Variants in GABRA2 observed in about 807,000 individuals in gnomAD.
The protein encoded by GABRA2 is gamma-aminobutyric acid receptor subunit alpha-2.
GABRA2 carries 16 observed loss-of-function variants against 48.7 expected under a neutral mutation model. The observed-to-expected ratio is 0.33, with a 90% CI of 0.22 to 0.50. The LOEUF (loss-of-function observed/expected upper bound fraction) is 0.50, where lower values mean the gene tolerates loss of function less well. Ranked by LOEUF, GABRA2 falls within the 20% of genes least tolerant of loss-of-function variation. The probability of loss-of-function intolerance (pLI) is 0.98; values close to 1 mark genes in which losing one functional copy is unlikely to be tolerated. For missense variants in GABRA2, 275 were observed against 535.6 expected (o/e 0.51, Z 4.80); for synonymous variants, 185 against 184.5 (o/e 1.00, Z -0.02).
At chr4:46,371,405 TTTAAA>T (rs752678212) in intron 3 of GABRA2, among the ~76,000 whole-genome samples, 38 of 152,278 alleles carry the variant, frequency 2.5e-4, no homozygotes, top group Admixed American at 3.9e-4. Flanking sequence ...CAAATTCAGA[TTTAAA>T]TTAGTTATTT....
Position 46,291,219 on chromosome 4 carries a change from G to C in GABRA2, c.856+12241C>G, listed in dbSNP as rs377372699. Among the ~76,000 whole-genome samples, 12 of 151,848 alleles carry C rather than the reference G, an allele frequency of 7.9e-5. No individual in the cohort carries two copies. The East Asian group carries it at 2.1e-3, about 27-fold the overall frequency. On this transcript the variant is annotated intron_variant, in intron 8 of 9. Transcript: ENST00000381620. ...ATATTAGCCCTCTGGTTCTAGACTT[G>C]TTGTTGTTGGAAGGTTTTTGCTTAC... is the stretch of plus-strand genomic sequence containing the variant.
intron 8 of GABRA2, among the ~76,000 whole-genome samples, chr4:46,300,313 G>A (rs116092099): frequency 0.014 from 2,084 of 151,818 alleles, 20 homozygotes; most frequent in Non-Finnish European, 0.022. Flanking sequence ...GTGTGTGTGC[G>A]CGCGCGTTTT....
rs527835887 is a variant in GABRA2, at chr4:46,357,456, T to A, written c.188-24774A>T. Reference sequence around the variant, plus strand: ...CTGTGTGGAGTGAAAAGACCTCAATTTGAATTTGAATTCTCTCACTTACTA... The same window carrying A: ...CTGTGTGGAGTGAAAAGACCTCAATATGAATTTGAATTCTCTCACTTACTA... On this transcript the variant is annotated intron_variant, in intron 3 of 9. Coordinates refer to ENST00000381620, the MANE Select transcript of GABRA2 (RefSeq NM_000807.4). 3.4e-5 allele frequency among the ~76,000 whole-genome samples: 5 copies of A among 147,738 alleles called. No individual in the cohort carries two copies. The South Asian group carries it at 1.1e-3, about 34-fold the overall frequency.
intron 3 of GABRA2, among the ~76,000 whole-genome samples, chr4:46,340,972 T>C (rs954403239): frequency 6.6e-6 from 1 of 151,980 alleles, no homozygotes; most frequent in Non-Finnish European, 1.5e-5. Flanking sequence ...TAACCTTTTT[T>C]AGATTTATTG....
At chr4:46,366,184 T>A (rs981456243) in intron 3 of GABRA2, 5 of 152,030 alleles carry the variant, frequency 3.3e-5, no homozygotes, top group Admixed American at 2.6e-4. Flanking sequence ...GAGTAACAGA[T>A]TCTGGCTTTA....
At chr4:46,316,797 CTCAGTT>C (rs1175889211) in intron 4 of GABRA2, among the ~76,000 whole-genome samples, 1 of 151,908 alleles carries the variant, frequency 6.6e-6, no homozygotes, top group East Asian at 1.9e-4. Flanking sequence ...ACTTCATCTA[CTCAGTT>C]TCCTTTTGGG....
At chr4:46,378,657 A>T (rs63468460) in intron 3 of GABRA2, among the ~76,000 whole-genome samples, 1 of 82,846 alleles carries the variant, frequency 1.2e-5, no homozygotes. Context: ...ATGATCAATT[A>T]AAAAAAAAAA....
At position 46,388,646 on chromosome 4, in the gene GABRA2, C is replaced by G. The variant is rs780887210; in HGVS notation, c.61G>C (p.Asp21His). 1.2e-6 allele frequency: 2 copies of G among 1,614,062 alleles called. No homozygotes were observed. The highest frequency in any genetic ancestry group is 1.7e-6 in the Non-Finnish European group (2 of 1,179,986). Residue 21 changes from aspartate (D) to histidine (H), a missense_variant, in exon 2 of 10, where the codon GAC becomes CAC. Physicochemically the swap from Asp to His is moderately conservative, Grantham distance 81. Transcript: ENST00000381620. ...CAATAAATATCTCACCTGGCAGGGTCCCACACCAAGAAAACAAAAAGCAGG... is the reference window on the plus strand; with the variant it reads ...CAATAAATATCTCACCTGGCAGGGTGCCACACCAAGAAAACAAAAAGCAGG... ...QFLLFVFLVW[D>H]PARLVLANIQ...
chr4:46,388,859 T>C (rs1717836061), intron 1 of GABRA2, 143 bp from the exon 2 acceptor site: 3 of 1,373,610 alleles, frequency 2.2e-6, no homozygotes, highest in African/African-American at 3.0e-5. Flanking sequence ...TGTGTAGGAC[T>C]TGATGATTGA....
chr4:46,340,972 T>A (rs954403239), intron 3 of GABRA2, among the ~76,000 whole-genome samples: 2 of 151,980 alleles, frequency 1.3e-5, no homozygotes, highest in African/African-American at 4.8e-5. Context: ...TAACCTTTTT[T>A]AGATTTATTG....
intron 3 of GABRA2, among the ~76,000 whole-genome samples, chr4:46,376,137 A>G (rs1165476673): frequency 6.6e-6 from 1 of 152,168 alleles, no homozygotes; most frequent in Non-Finnish European, 1.5e-5. Flanking sequence ...TGGCTGGCAT[A>G]TCACACTCTT....
At chr4:46,390,178 A>T, upstream of GABRA2, 1 of 174,208 alleles carries the variant, frequency 5.7e-6, no homozygotes, top group Non-Finnish European at 1.0e-5. Context: ...GTTCCCGGGA[A>T]GGCAGGGCCC....
chr4:46,279,539 C>T (rs548996633), intron 8 of GABRA2, among the ~76,000 whole-genome samples: 164 of 151,846 alleles, frequency 1.1e-3, no homozygotes, highest in Admixed American at 2.6e-3. Context: ...CTGTGTTCTT[C>T]CATATAAAGA....
At chr4:46,370,801 C>A (rs1714765042) in intron 3 of GABRA2, among the ~76,000 whole-genome samples, 1 of 152,050 alleles carries the variant, frequency 6.6e-6, no homozygotes, top group Admixed American at 6.6e-5. Flanking sequence ...GTATTCAACT[C>A]TATACTCTGT....
chr4:46,320,428 C>T (rs1056051984), intron 4 of GABRA2, among the ~76,000 whole-genome samples: 1 of 151,698 alleles, frequency 6.6e-6, no homozygotes, highest in Non-Finnish European at 1.5e-5. Context: ...TAAAAATAAA[C>T]AAGTCGACAT....
chr4:46,359,927 A>C (rs972473385), intron 3 of GABRA2, among the ~76,000 whole-genome samples: 3 of 151,686 alleles, frequency 2.0e-5, no homozygotes, highest in East Asian at 1.9e-4. Flanking sequence ...AAAAAACAAA[A>C]AAAAAAAAGA....
chr4:46,371,558 A>G (rs1714893770), intron 3 of GABRA2, among the ~76,000 whole-genome samples: 1 of 151,882 alleles, frequency 6.6e-6, no homozygotes, highest in South Asian at 2.1e-4. Flanking sequence ...ATTACAGATT[A>G]GTTTTAATTT....
intron 2 of GABRA2, chr4:46,386,639 A>C (rs1003512400): frequency 2.6e-5 from 4 of 155,448 alleles, no homozygotes; most frequent in African/African-American, 7.2e-5. Flanking sequence ...TATATTTTCT[A>C]TCTCTCTCAT....
intron 3 of GABRA2, among the ~76,000 whole-genome samples, chr4:46,344,126 A>G (rs1219427942): frequency 6.6e-6 from 1 of 152,050 alleles, no homozygotes; most frequent in Non-Finnish European, 1.5e-5. Context: ...GAAATAAAAA[A>G]GGACGCAGTC....
Sources: gnomAD v4.1 joint callset for allele counts (sites outside exome capture counted in the v4.1 genomes callset) on GRCh38, gnomAD v4.1.1 for gene constraint, MANE v1.5 for transcripts, NCBI Gene and HGNC (gene_info 2026-07-23, HGNC 2026-07-21) for gene names.